Variants in PROM2 observed in about 807,000 individuals in gnomAD.
PROM2 encodes the protein prominin-2.
In PROM2, 90 loss-of-function variants were observed where a neutral mutation model predicts 110.2. The observed-to-expected ratio is 0.82, with a 90% CI of 0.69 to 0.97. The LOEUF (loss-of-function observed/expected upper bound fraction) is 0.97, where lower values mean the gene tolerates loss of function less well. Among genes scored for constraint, PROM2 ranks in the 50% least tolerant of loss-of-function variants. The pLI is 0.00. For missense variants in PROM2, 1,009 were observed against 1,074.8 expected, an observed-to-expected ratio of 0.94 and a Z score of 0.86; for synonymous variants, 470 against 467.8, an observed-to-expected ratio of 1.00 and a Z score of -0.06.
intron 8 of PROM2, 50 bp from the exon 9 acceptor site, chr2:95,278,671 G>A (rs747428119): frequency 4.5e-5 from 72 of 1,609,928 alleles, no homozygotes; most frequent in Non-Finnish European, 5.7e-5. Context: ...TCTCCCAAGA[G>A]GGGACACTGG....
intron 18 of PROM2, 88 bp from the exon 19 acceptor site, chr2:95,287,045 C>G (rs1339263525): frequency 7.3e-7 from 1 of 1,367,714 alleles, no homozygotes; most frequent in African/African-American, 1.4e-5. Context: ...GCTGAACCCT[C>G]TCCTGCTGAG....
rs1200343196 is a variant in PROM2, at chr2:95,290,063, C to A, written c.*850C>A. 1 of 152,316 alleles carries A rather than the reference C, an allele frequency of 6.6e-6. No homozygotes were observed. The highest frequency in any genetic ancestry group is 2.4e-5 in the African/African-American group (1 of 41,458). The allele number at this position is 152,316 out of a possible 1,614,324, so 9.4% of individuals were successfully genotyped here. A position where few individuals can be genotyped will look rare whatever the true frequency, so the allele number is the denominator to read the frequency against. On this transcript the variant is annotated 3_prime_UTR_variant, in exon 24 of 24. Coordinates refer to ENST00000317620, the MANE Select transcript of PROM2 (RefSeq NM_001165978.3). ...CCAAGGAAGGGACCTGGGACCTGGGCCACAGTGGGGGCTTGCCCTTACCTC... is the reference window on the plus strand; with the variant it reads ...CCAAGGAAGGGACCTGGGACCTGGGACACAGTGGGGGCTTGCCCTTACCTC...
intron 12 of PROM2, 89 bp downstream of exon 12, chr2:95,281,454 CGGG>C: frequency 8.6e-6 from 1 of 115,834 alleles, no homozygotes; most frequent in East Asian, 1.9e-4. Flanking sequence ...AAGTGGGGGT[CGGG>C]GGGTAAAAGG....
chr2:95,290,285 C>A lies in PROM2; in HGVS notation c.*1072C>A, dbSNP rs898607940. 1.3e-5 allele frequency: 2 copies of A among 152,282 alleles called. No homozygotes were observed. Among genetic ancestry groups the A allele is most frequent in the African/African-American group, 2.4e-5 (1 of 41,450 alleles). The allele number at this position is 152,282 out of a possible 1,614,324, so 9.4% of individuals were successfully genotyped here. On this transcript the variant is annotated 3_prime_UTR_variant, in exon 24 of 24. Transcript: ENST00000317620. ...AGAGGAGAGAGAAGAGATGGACAGA[C>A]CTCAGATCCATTAAAGTGTTCTCAC...
At chr2:95,286,887 G>A in intron 18 of PROM2, 30 bp downstream of exon 18, 1 of 1,608,898 alleles carries the variant, frequency 6.2e-7, no homozygotes, top group Non-Finnish European at 8.5e-7. Context: ...ACGTATGGTG[G>A]AGCACAGGGG....
chr2:95,288,251 C>T lies in PROM2; in HGVS notation c.2285C>T (p.Ala762Val). ...GCCACCTGCCAGCCCCTCTCCGGAG[C>T]CCTGGACAACAGCCGTGTGATCCTG... is the stretch of plus-strand genomic sequence containing the variant. The part of the protein sequence containing the change: ...RIATCQPLSG[A>V]LDNSRVILCD... Residue 762 changes from alanine to valine, a missense_variant, in exon 21 of 24, where the codon GCC (alanine) becomes GTC (valine). Physicochemically the swap from Ala to Val is moderately conservative, Grantham distance 64. Coordinates refer to ENST00000317620, the MANE Select transcript of PROM2 (RefSeq NM_001165978.3). 1 of 1,614,054 alleles carries T rather than the reference C, an allele frequency of 6.2e-7. No individual in the cohort carries two copies. Among genetic ancestry groups the T allele is most frequent in the Non-Finnish European group, 8.5e-7 (1 of 1,180,030 alleles).
chr2:95,285,757 G>A (rs530865074), intron 16 of PROM2, 47 bp downstream of exon 16: 3 of 1,541,110 alleles, frequency 1.9e-6, no homozygotes, highest in Non-Finnish European at 2.6e-6. Flanking sequence ...GCCACAGGGG[G>A]CTTGGGAGGC....
Position 95,290,615 on chromosome 2 carries a change from T to G in PROM2, c.*1402T>G, listed in dbSNP as rs1677637425. 6.6e-6 allele frequency: 1 copy of G among 152,140 alleles called. No individual in the cohort carries two copies. The highest frequency in any genetic ancestry group is 1.5e-5 in the Non-Finnish European group (1 of 68,028). The allele number at this position is 152,140 out of a possible 1,614,324, so 9.4% of individuals were successfully genotyped here. A position where few individuals can be genotyped will look rare whatever the true frequency, so the allele number is the denominator to read the frequency against. ...AAAGGGTTGTGAAAATCAAATGTGATAATTTGTGGAAAGCCCTTAGCAGTG... is the reference window on the plus strand; with the variant it reads ...AAAGGGTTGTGAAAATCAAATGTGAGAATTTGTGGAAAGCCCTTAGCAGTG... On this transcript the variant is annotated 3_prime_UTR_variant, in exon 24 of 24. Transcript: ENST00000317620.
rs1324800715 is a variant in PROM2 at position 95,275,785 on chromosome 2, G to A, written c.295-145G>A. 11 of 1,477,220 alleles carry A rather than the reference G, an allele frequency of 7.4e-6. No individual in the cohort carries two copies. The highest frequency in any genetic ancestry group is 9.9e-6 in the Non-Finnish European group (11 of 1,116,550). 91.5% of individuals were successfully genotyped at this position (1,477,220 alleles called of 1,614,324 possible). On this transcript the variant is annotated intron_variant, in intron 2 of 23. Coordinates refer to ENST00000317620, the MANE Select transcript of PROM2 (RefSeq NM_001165978.3). The surrounding 1 kb of genome is among the most constrained non-coding windows in gnomAD (Gnocchi z 4.4). ...AGATGGTGATGAGCAGTAAGAATGCGGTCACCTCTGGGACGGGTTCCATGA... is the reference window on the plus strand; with the variant it reads ...AGATGGTGATGAGCAGTAAGAATGCAGTCACCTCTGGGACGGGTTCCATGA...
In PROM2 at chr2:95,275,355, C is replaced by T; in HGVS notation, c.245-106C>T. On this transcript the variant is annotated intron_variant, in intron 1 of 23. Transcript: ENST00000317620. This position sits in a 1 kb window ranked among gnomAD's most constrained non-coding sequence, Gnocchi z 4.4. ...TTCTGCGAGGGTGCCATGGTGGTGG[C>T]AGGAGCCCTGCCTCAGAGCCACTTT... 1 of 1,083,512 alleles carries T rather than the reference C, an allele frequency of 9.2e-7. No homozygotes were observed. Among genetic ancestry groups the T allele is most frequent in the Non-Finnish European group, 1.4e-6 (1 of 737,918 alleles). 67.1% of individuals were successfully genotyped at this position (1,083,512 alleles called of 1,614,324 possible).
chr2:95,285,297 C>G (rs890468513), intron 15 of PROM2, among the ~76,000 whole-genome samples, 182 bp downstream of exon 15: 2 of 152,204 alleles, frequency 1.3e-5, no homozygotes, highest in Non-Finnish European at 2.9e-5. Context: ...CCTGCCACCA[C>G]CCCGGTCACA....
Position 95,279,047 on chromosome 2 carries a change from G to A in PROM2, c.1177G>A (p.Gly393Ser), listed in dbSNP as rs149624755. The stretch of plus-strand genomic sequence containing the variant: ...GAGGACACTGGCTGAAGGGTTCCCG[G>A]GCTTGGAGGCAGCTTCCCGCTGGGC... ...GVRTLAEGFP[G>S]LEAASRWAQA... Residue 393 changes from glycine to serine, a missense_variant, in exon 10 of 24, where the codon GGC becomes AGC. Gly to Ser is a moderately conservative substitution (Grantham distance 56). Coordinates refer to ENST00000317620, the MANE Select transcript of PROM2 (RefSeq NM_001165978.3). The A allele has an allele frequency of 5.6e-5, 91 of 1,613,178 alleles. No homozygotes were observed. In the African/African-American group the frequency reaches 1.2e-3, roughly 21 times the overall value.
At chr2:95,285,585 T>TGG in intron 15 of PROM2, 54 bp from the exon 16 acceptor site, 1 of 1,473,060 alleles carries the variant, frequency 6.8e-7, no homozygotes, top group Non-Finnish European at 9.3e-7. Flanking sequence ...CAGGTGGTGG[T>TGG]GGGCCCCAGG....
In PROM2 at chr2:95,288,833, G is replaced by T; in HGVS notation, c.2442-100G>T. 3 of 1,238,854 alleles carry T rather than the reference G, an allele frequency of 2.4e-6. No individual in the cohort carries two copies. The South Asian group carries it at 3.6e-5, about 15-fold the overall frequency. 76.7% of individuals were successfully genotyped at this position (1,238,854 alleles called of 1,614,324 possible). On this transcript the variant is annotated intron_variant, in intron 22 of 23. Transcript: ENST00000317620. ...TGGGACCCTTCCCATCCCCCACAGG[G>T]CTTCCGAGGAGAAACCCTCAGGGCT...
Position 95,279,001 on chromosome 2 carries a change from G to C in PROM2, c.1131G>C (p.Val377=). 6.2e-7 allele frequency: 1 copy of C among 1,606,862 alleles called. No homozygotes were observed. ...SSVVQELKKA[V]AQQPEGVRTL... is the part of the protein sequence containing the mutation. ...TTTGGGCAGAGCTGAAGAAGGCAGT[G>C]GCCCAGCAGCCGGAAGGGGTGAGGA... Residue 377 remains valine, a synonymous_variant, in exon 10 of 24, where the codon GTG becomes GTC. Transcript: ENST00000317620.
rs1344874222 is a variant in PROM2 at position 95,279,896 on chromosome 2, C to T, written c.1326C>T (p.Cys442=). The T allele has an allele frequency of 1.3e-6, 2 of 1,560,228 alleles. No homozygotes were observed. The highest frequency in any genetic ancestry group is 8.7e-7 in the Non-Finnish European group (1 of 1,151,146). ...LCSVVLFVVL[C]NLLGLNLGIW... ...CCGTGGTCCTATTCGTGGTGCTCTG[C>T]AACCTGCTGGGCCTCAATCTGGGCA... The change falls in exon 11 of 24, where the codon TGC becomes TGT. Residue 442 remains cysteine (C), a synonymous_variant. Transcript: ENST00000317620.
At chr2:95,284,420 GA>G (rs539785160) in intron 14 of PROM2, among the ~76,000 whole-genome samples, 62 of 152,134 alleles carry the variant, frequency 4.1e-4, no homozygotes, top group African/African-American at 1.5e-3. Flanking sequence ...GAGCCCGGGG[GA>G]TCTAGGCTTC....
At chr2:95,283,174 A>G (rs1677149119) in intron 14 of PROM2, among the ~76,000 whole-genome samples, 1 of 152,198 alleles carries the variant, frequency 6.6e-6, no homozygotes, top group African/African-American at 2.4e-5. Flanking sequence ...TGCCCTGTGG[A>G]GGAAGCCTGG....
At position 95,276,735 on chromosome 2, in the gene PROM2, C is replaced by G; in HGVS notation, c.682+78C>G. On this transcript the variant is annotated intron_variant, in intron 5 of 23. Transcript: ENST00000317620. This position sits in a 1 kb window ranked among gnomAD's most constrained non-coding sequence, Gnocchi z 4.6. ...CGGGTGCCTCGGTGGGGGCCTCTCA[C>G]TCCCTCATTCTGGACACCCCCGGGA... The G allele has an allele frequency of 6.8e-7, 1 of 1,480,752 alleles. No homozygotes were observed. The highest frequency in any genetic ancestry group is 9.4e-7 in the Non-Finnish European group (1 of 1,066,296). The allele number at this position is 1,480,752 out of a possible 1,614,324, so 91.7% of individuals were successfully genotyped here.
Sources: allele counts gnomAD v4.1 joint callset (sites outside exome capture counted in the v4.1 genomes callset), GRCh38; gene constraint gnomAD v4.1.1; non-coding constraint Gnocchi (gnomAD v3.1); transcripts MANE v1.5; gene names NCBI Gene and HGNC (gene_info 2026-07-23, HGNC 2026-07-21).